The following CACNA1C variants were observed in gnomAD, a reference collection of about 807,000 sequenced individuals.
The protein encoded by CACNA1C is calcium voltage-gated channel subunit alpha1 C, also known as voltage-dependent L-type calcium channel subunit alpha-1C.
A neutral mutation model predicts 229.0 loss-of-function variants in CACNA1C; 30 were observed. The ratio of observed to expected loss-of-function variants is 0.13; its 90% CI spans 0.10 to 0.18. The LOEUF (loss-of-function observed/expected upper bound fraction) is 0.18. Among genes scored for constraint, CACNA1C ranks in the 10% least tolerant of loss-of-function variants. CACNA1C has a pLI of 1.00. For missense variants in CACNA1C, 1,658 were observed against 2,845.0 expected (o/e 0.58, Z 9.49); for synonymous variants, 1,114 against 1,132.5 (o/e 0.98, Z 0.33).
At chr12:2,089,595 C>T (rs933988284) in intron 1 of CACNA1C, among the ~76,000 whole-genome samples, 5 of 152,084 alleles carry the variant, frequency 3.3e-5, no homozygotes, top group African/African-American at 9.7e-5. Context: ...TGTTATGTAC[C>T]CAGAGACTTG....
At chr12:2,584,658 C>G (rs916537128) in intron 16 of CACNA1C, 41 bp downstream of exon 16, 1 of 1,313,862 alleles carries the variant, frequency 7.6e-7, no homozygotes, top group South Asian at 1.3e-5. Flanking sequence ...CTCCAGGGCT[C>G]CCATTGTGGA....
At chr12:2,031,838 G>T (rs1234928295) in intron 1 of CACNA1C, among the ~76,000 whole-genome samples, 5 of 152,268 alleles carry the variant, frequency 3.3e-5, no homozygotes, top group Middle Eastern at 3.4e-3. Context: ...CGAGAATACT[G>T]GCCTCCTGAG....
At chr12:2,487,605 C>G (rs1039145916) in intron 6 of CACNA1C, among the ~76,000 whole-genome samples, 2 of 151,664 alleles carry the variant, frequency 1.3e-5, no homozygotes, top group African/African-American at 4.8e-5. Flanking sequence ...GGATGGAAGT[C>G]TGTTTAACAG....
chr12:2,654,973 C>T lies in CACNA1C; in HGVS notation c.4141-174C>T, dbSNP rs1301858266. Reference sequence around the variant, plus strand: ...CTTGTCCAGTGTAGGGATTTGGGCTCAGGGGCTGGGTGGGGCAGCAGGTGC... The same window carrying T: ...CTTGTCCAGTGTAGGGATTTGGGCTTAGGGGCTGGGTGGGGCAGCAGGTGC... On this transcript the variant is annotated intron_variant, in intron 33 of 46. Coordinates refer to ENST00000399655, the MANE Select transcript of CACNA1C (RefSeq NM_000719.7). This position sits in a 1 kb window ranked among gnomAD's most constrained non-coding sequence, Gnocchi z 4.4. Among the ~76,000 whole-genome samples, 2 of 152,042 alleles carry T rather than the reference C, an allele frequency of 1.3e-5. No individual in the cohort carries two copies. The highest frequency in any genetic ancestry group is 3.9e-4 in the East Asian group (2 of 5,172).
At chr12:2,074,054 A>G (rs1359076758) in intron 1 of CACNA1C, among the ~76,000 whole-genome samples, 1 of 152,196 alleles carries the variant, frequency 6.6e-6, no homozygotes, top group Non-Finnish European at 1.5e-5. Flanking sequence ...AGAGTCAGAG[A>G]GTTGCTTAGG....
At chr12:2,202,443 A>G (rs1249304007) in intron 3 of CACNA1C, among the ~76,000 whole-genome samples, 1 of 152,232 alleles carries the variant, frequency 6.6e-6, no homozygotes, top group Non-Finnish European at 1.5e-5. Context: ...TGGAGAACTA[A>G]GTAGTAGTCA....
chr12:2,044,745 C>T (rs2050778719), intron 1 of CACNA1C, among the ~76,000 whole-genome samples: 1 of 152,106 alleles, frequency 6.6e-6, no homozygotes, highest in African/African-American at 2.4e-5. Flanking sequence ...ACAAATATCC[C>T]TTTTTGTCTA....
At chr12:2,360,177 C>CCCCA (rs2097523448) in intron 3 of CACNA1C, among the ~76,000 whole-genome samples, 4 of 117,532 alleles carry the variant, frequency 3.4e-5, no homozygotes, top group African/African-American at 1.4e-4. Context: ...CCCCCCCACC[C>CCCCA]CACACACACA....
At chr12:2,530,316 A>G (rs929526529) in intron 9 of CACNA1C, among the ~76,000 whole-genome samples, 1 of 152,262 alleles carries the variant, frequency 6.6e-6, no homozygotes, top group Non-Finnish European at 1.5e-5. Flanking sequence ...GACATTTGTC[A>G]TTAGACTAAC....
rs1187112176 is a variant in CACNA1C, at chr12:2,654,686, A to G, written c.4141-461A>G. On this transcript the variant is annotated intron_variant, in intron 33 of 46. Transcript: ENST00000399655. The surrounding 1 kb of genome is among the most constrained non-coding windows in gnomAD (Gnocchi z 4.4). ...GTTTCTAAGATAAGCACAGCTTTAA[A>G]AGACCAGGAAGAAAAGGGATTTCAG... 6.6e-6 allele frequency among the ~76,000 whole-genome samples: 1 copy of G among 152,242 alleles called. No individual in the cohort carries two copies. The highest frequency in any genetic ancestry group is 1.5e-5 in the Non-Finnish European group (1 of 68,044).
chr12:2,099,123 A>G (rs1438400894), intron 1 of CACNA1C, among the ~76,000 whole-genome samples: 1 of 152,264 alleles, frequency 6.6e-6, no homozygotes. Context: ...CTCTGGGCGC[A>G]TAGCCCTGCT....
chr12:2,136,447 C>T (rs1228141949), intron 3 of CACNA1C, among the ~76,000 whole-genome samples: 1 of 151,326 alleles, frequency 6.6e-6, no homozygotes, highest in Non-Finnish European at 1.5e-5. Context: ...TGTGTGGCTC[C>T]CAAGTCTGTG....
chr12:2,633,507 G>A lies in CACNA1C; in HGVS notation c.3829-790G>A, dbSNP rs940761434. On this transcript the variant is annotated intron_variant, in intron 29 of 46. Coordinates refer to ENST00000399655, the MANE Select transcript of CACNA1C (RefSeq NM_000719.7). This position sits in a 1 kb window ranked among gnomAD's most constrained non-coding sequence, Gnocchi z 5.8. The stretch of plus-strand genomic sequence containing the variant: ...CTGGGCTCCTGGCCATGGTGAGGGC[G>A]TCCGGAACTCCAGAGGCAACACGGA... 12 of 710,682 alleles carry A rather than the reference G, an allele frequency of 1.7e-5. No homozygotes were observed. Among genetic ancestry groups the A allele is most frequent in the South Asian group, 3.1e-5 (2 of 63,850 alleles). 44.0% of individuals were successfully genotyped at this position (710,682 alleles called of 1,614,324 possible). A position where few individuals can be genotyped will look rare whatever the true frequency, so the allele number is the denominator to read the frequency against.
At chr12:2,259,759 C>T (rs2079352325) in intron 3 of CACNA1C, among the ~76,000 whole-genome samples, 1 of 152,090 alleles carries the variant, frequency 6.6e-6, no homozygotes, top group Non-Finnish European at 1.5e-5. Context: ...TGTAGCAAGA[C>T]CTGGTCTCTA....
chr12:2,346,167 C>A lies in CACNA1C; in HGVS notation c.478-102809C>A, dbSNP rs915882727. 6.6e-6 allele frequency among the ~76,000 whole-genome samples: 1 copy of A among 152,068 alleles called. No homozygotes were observed. Among genetic ancestry groups the A allele is most frequent in the Non-Finnish European group, 1.5e-5 (1 of 67,996 alleles). On this transcript the variant is annotated intron_variant, in intron 3 of 46. Coordinates refer to ENST00000399655, the MANE Select transcript of CACNA1C (RefSeq NM_000719.7). The surrounding 1 kb of genome is among the most constrained non-coding windows in gnomAD (Gnocchi z 4.4). ...AAGGTGATAGCCGTGGCTTGGTTGT[C>A]TGTGGGTGGAGCCGAGGAAGGCAGA...
chr12:2,593,455 C>CT, intron 19 of CACNA1C, 110 bp downstream of exon 19: 15 of 1,138,438 alleles, frequency 1.3e-5, no homozygotes, highest in Non-Finnish European at 1.9e-5. Flanking sequence ...CTCCCAGCTC[C>CT]TTGCAAATTG....
chr12:2,652,704 TCTCGAGGGAG>T (rs1410478858), intron 32 of CACNA1C, among the ~76,000 whole-genome samples: 1 of 152,098 alleles, frequency 6.6e-6, no homozygotes, highest in Non-Finnish European at 1.5e-5. Context: ...CATCCAAGGC[TCTCGAGGGAG>T]CTCCCAATGG....
At chr12:2,087,816 G>C (rs981443709) in intron 1 of CACNA1C, among the ~76,000 whole-genome samples, 15 of 152,184 alleles carry the variant, frequency 9.9e-5, no homozygotes, top group African/African-American at 3.6e-4. Context: ...AAATAAAAAA[G>C]CTGGGTGTTC....
intron 20 of CACNA1C, 29 bp downstream of exon 20, chr12:2,596,032 C>T: frequency 6.3e-7 from 1 of 1,595,460 alleles, no homozygotes; most frequent in Non-Finnish European, 8.6e-7. Flanking sequence ...TTCTGCACTC[C>T]TTCCCCCTGG....
Sources: allele counts gnomAD v4.1 joint callset (sites outside exome capture counted in the v4.1 genomes callset), GRCh38; gene constraint gnomAD v4.1.1; non-coding constraint Gnocchi (gnomAD v3.1); transcripts MANE v1.5; gene names NCBI Gene and HGNC (gene_info 2026-07-23, HGNC 2026-07-21).